Variants in KCNB2 observed in about 807,000 individuals in gnomAD.
The protein encoded by KCNB2 is delayed rectifier potassium channel protein.
A neutral mutation model predicts 61.5 loss-of-function variants in KCNB2; 15 were observed. That is an observed-to-expected ratio of 0.24 (90% CI 0.16 to 0.38). The LOEUF (loss-of-function observed/expected upper bound fraction) is 0.38. Among genes scored for constraint, KCNB2 ranks in the 10% least tolerant of loss-of-function variants. The pLI, the probability that KCNB2 is intolerant of heterozygous loss-of-function variation, is 1.00. For missense variants in KCNB2, 828 were observed against 1,125.2 expected (o/e 0.74, Z 3.78); for synonymous variants, 457 against 446.0 (o/e 1.02, Z -0.31).
chr8:72,754,997 A>C (rs933247776), intron 2 of KCNB2, among the ~76,000 whole-genome samples: 2 of 152,178 alleles, frequency 1.3e-5, no homozygotes, highest in East Asian at 3.9e-4. Context: ...CAAGGCCAAC[A>C]TCAACAGTTG....
At chr8:72,544,493 T>C (rs1385173192) in intron 1 of KCNB2, among the ~76,000 whole-genome samples, 1 of 152,148 alleles carries the variant, frequency 6.6e-6, no homozygotes, top group African/African-American at 2.4e-5. Context: ...GGAGACTAGT[T>C]AGGAGTCTTT....
At chr8:72,918,785 G>T (rs1806448491) in intron 2 of KCNB2, among the ~76,000 whole-genome samples, 1 of 152,198 alleles carries the variant, frequency 6.6e-6, no homozygotes, top group Non-Finnish European at 1.5e-5. Context: ...GCCAGTGGCA[G>T]CCAGGGCTCA....
rs1809802698 is a variant in KCNB2, at chr8:72,837,596, A to G, written c.580-98339A>G. On this transcript the variant is annotated intron_variant, in intron 2 of 2. Transcript: ENST00000523207. ...TACAGTGAAATCTGTTTACTTCAAAATCCCACCAATTAGGAATCCATGGTT... is the reference window on the plus strand; with the variant it reads ...TACAGTGAAATCTGTTTACTTCAAAGTCCCACCAATTAGGAATCCATGGTT... Among the ~76,000 whole-genome samples, 7 of 152,208 alleles carry G rather than the reference A, an allele frequency of 4.6e-5. No homozygotes were observed. The South Asian group carries it at 1.5e-3, about 32-fold the overall frequency.
chr8:72,794,860 G>A (rs1809005428), intron 2 of KCNB2, among the ~76,000 whole-genome samples: 1 of 152,190 alleles, frequency 6.6e-6, no homozygotes, highest in Non-Finnish European at 1.5e-5. Flanking sequence ...GCAGCCAAAG[G>A]AGAAAGTATT....
chr8:72,798,799 G>T (rs903937082), intron 2 of KCNB2, among the ~76,000 whole-genome samples: 1 of 152,118 alleles, frequency 6.6e-6, no homozygotes, highest in Non-Finnish European at 1.5e-5. Flanking sequence ...GGATTAATAC[G>T]AAAAGCCCGA....
rs1808400620 is a variant in KCNB2, at chr8:72,762,690, A to G, written c.580-173245A>G. Among the ~76,000 whole-genome samples the G allele has an allele frequency of 2.0e-5, 3 of 152,226 alleles. No individual in the cohort carries two copies. In the South Asian group the frequency reaches 6.2e-4, roughly 32 times the overall value. ...GGATTCAATGAAATAATAATATATC[A>G]GGGAGCTTGCCTATAGAAAGTGTTC... On this transcript the variant is annotated intron_variant, in intron 2 of 2. Transcript: ENST00000523207.
intron 2 of KCNB2, among the ~76,000 whole-genome samples, chr8:72,741,844 T>C (rs1807965674): frequency 6.6e-6 from 1 of 152,172 alleles, no homozygotes. Flanking sequence ...AAATAATAGA[T>C]GTTGGTATGG....
intron 2 of KCNB2, among the ~76,000 whole-genome samples, chr8:72,840,512 A>G (rs1289944038): frequency 9.2e-5 from 14 of 152,028 alleles, no homozygotes; most frequent in Non-Finnish European, 1.5e-4. Context: ...GAACGAATTT[A>G]CTCTCCCACC....
intron 2 of KCNB2, among the ~76,000 whole-genome samples, chr8:72,761,949 T>G (rs1055768841): frequency 3.3e-5 from 5 of 152,044 alleles, no homozygotes; most frequent in Admixed American, 6.6e-5. Context: ...TAGTATAGAG[T>G]CTAGTCTATA....
At chr8:72,915,969 G>A (rs1043168733) in intron 2 of KCNB2, among the ~76,000 whole-genome samples, 3 of 152,126 alleles carry the variant, frequency 2.0e-5, no homozygotes, top group African/African-American at 2.4e-5. Flanking sequence ...GGAAGGTAGA[G>A]TAGAAAGCAA....
chr8:72,811,148 G>A (rs78202639), intron 2 of KCNB2, among the ~76,000 whole-genome samples: 1,357 of 135,206 alleles, frequency 0.01, 16 homozygotes, highest in African/African-American at 0.038. Context: ...AGATATGGAA[G>A]GGATTTCTTT....
At chr8:72,662,281 C>A (rs1229507079) in intron 2 of KCNB2, among the ~76,000 whole-genome samples, 1 of 152,092 alleles carries the variant, frequency 6.6e-6, no homozygotes, top group Non-Finnish European at 1.5e-5. Context: ...CCCTGCTTTT[C>A]AGGAACTCAG....
intron 2 of KCNB2, among the ~76,000 whole-genome samples, chr8:72,785,175 T>C (rs769807497): frequency 1.7e-4 from 26 of 152,092 alleles, no homozygotes; most frequent in Non-Finnish European, 3.7e-4. Flanking sequence ...CCACAAATAA[T>C]CCACAAACCC....
intron 1 of KCNB2, among the ~76,000 whole-genome samples, chr8:72,564,421 C>T (rs540200075): frequency 6.6e-6 from 1 of 152,190 alleles, no homozygotes; most frequent in South Asian, 2.1e-4. Flanking sequence ...AAAAAGAGTA[C>T]ATTTATTTTA....
chr8:72,635,366 T>C (rs796252490), intron 2 of KCNB2, among the ~76,000 whole-genome samples: 33 of 152,284 alleles, frequency 2.2e-4, no homozygotes, highest in African/African-American at 7.7e-4. Flanking sequence ...AGATTCTGAA[T>C]CACCAAGATT....
At chr8:72,540,442 A>G (rs1180032300) in intron 1 of KCNB2, among the ~76,000 whole-genome samples, 2 of 152,192 alleles carry the variant, frequency 1.3e-5, no homozygotes, top group Non-Finnish European at 2.9e-5. Flanking sequence ...GAAGCTTCAG[A>G]CAGATGGACA....
chr8:72,825,860 T>C (rs749251783), intron 2 of KCNB2, among the ~76,000 whole-genome samples: 3 of 152,238 alleles, frequency 2.0e-5, no homozygotes, highest in African/African-American at 4.8e-5. Context: ...CTTTTCACTC[T>C]TTTGATAGTG....
chr8:72,554,660 C>A (rs1289974712), intron 1 of KCNB2, among the ~76,000 whole-genome samples: 1 of 152,074 alleles, frequency 6.6e-6, no homozygotes, highest in African/African-American at 2.4e-5. Flanking sequence ...GTGTTTTTCA[C>A]CTAGTTAGAG....
chr8:72,720,070 G>A (rs887019950), intron 2 of KCNB2, among the ~76,000 whole-genome samples: 4 of 152,156 alleles, frequency 2.6e-5, no homozygotes, highest in Admixed American at 1.3e-4. Flanking sequence ...CTCCCTGCAC[G>A]TTTCAGTCTC....
Sources: gnomAD v4.1 joint callset for allele counts (sites outside exome capture counted in the v4.1 genomes callset) on GRCh38, gnomAD v4.1.1 for gene constraint, MANE v1.5 for transcripts, NCBI Gene and HGNC (gene_info 2026-07-23, HGNC 2026-07-21) for gene names.